The following TMEM123 variants were observed in gnomAD, a reference collection of about 807,000 sequenced individuals.
TMEM123 encodes porimin.
A neutral mutation model predicts 19.7 loss-of-function variants in TMEM123; 16 were observed. The observed-to-expected ratio is 0.81, with a 90% CI of 0.55 to 1.23. The LOEUF (loss-of-function observed/expected upper bound fraction) is 1.23, where lower values mean the gene tolerates loss of function less well. TMEM123 is among the 50% of genes most tolerant of loss of function. TMEM123 has a pLI of 0.00. For synonymous variants in TMEM123, 118 were observed against 99.4 expected, an observed-to-expected ratio of 1.19 and a Z score of -1.12; for missense variants, 313 against 257.8, an observed-to-expected ratio of 1.21 and a Z score of -1.47.
At chr11:102,407,752 T>C (rs1441168064) in intron 2 of TMEM123, among the ~76,000 whole-genome samples, 1 of 151,980 alleles carries the variant, frequency 6.6e-6, no homozygotes, top group Non-Finnish European at 1.5e-5. Flanking sequence ...AGGAGAGGCA[T>C]GGAACAGATT....
chr11:102,405,499 T>C (rs112296572), intron 2 of TMEM123, among the ~76,000 whole-genome samples: 2 of 152,234 alleles, frequency 1.3e-5, no homozygotes, highest in South Asian at 2.1e-4. Context: ...GAATGTTCTA[T>C]AGAGATATAA....
chr11:102,405,109 C>A (rs564237607), intron 2 of TMEM123, among the ~76,000 whole-genome samples: 1 of 150,754 alleles, frequency 6.6e-6, no homozygotes, highest in Non-Finnish European at 1.5e-5. Flanking sequence ...AGTGCAGTGG[C>A]GTGATCTCAG....
At position 102,417,871 on chromosome 11, in the gene TMEM123, T is replaced by TA. The variant is rs537663782; in HGVS notation, c.158-15666dup. ...CAGCCATCTGATCTTTGATAAAGTT[T>TA]AAAAAAAAAAAGTGCAATGGGGAAG... On this transcript the variant is annotated intron_variant, in intron 2 of 4. Coordinates refer to ENST00000398136, the MANE Select transcript of TMEM123 (RefSeq NM_052932.3). Among the ~76,000 whole-genome samples the TA allele has an allele frequency of 3.1e-3, 454 of 146,064 alleles. 3 individuals carry two copies. Among genetic ancestry groups the TA allele is most frequent in the African/African-American group, 0.01 (405 of 40,100 alleles).
chr11:102,408,642 T>C (rs1951976403), intron 2 of TMEM123, among the ~76,000 whole-genome samples: 2 of 152,214 alleles, frequency 1.3e-5, no homozygotes, highest in African/African-American at 2.4e-5. Flanking sequence ...TTTATAACCA[T>C]TAATTTCATT....
chr11:102,452,576 C>A lies in TMEM123; in HGVS notation c.48G>T (p.Thr16=). ...CCCCCAGCAGCGCTAGCACCTGCAGCGTCCCCAGGAGCAGCGCGGCCCAAG... is the reference window on the plus strand; with the variant it reads ...CCCCCAGCAGCGCTAGCACCTGCAGAGTCCCCAGGAGCAGCGCGGCCCAAG... ...RGAWAALLLG[T]LQVLALLGAA... The change falls in exon 1 of 5, where the codon ACG becomes ACT. Residue 16 remains threonine (T), a synonymous_variant. Transcript: ENST00000398136. The A allele has an allele frequency of 6.4e-7, 1 of 1,572,746 alleles. No individual in the cohort carries two copies.
chr11:102,442,673 A>G (rs1467412321), intron 2 of TMEM123, among the ~76,000 whole-genome samples: 1 of 152,210 alleles, frequency 6.6e-6, no homozygotes, highest in Admixed American at 6.5e-5. Flanking sequence ...CCCATTCAAC[A>G]CACTGTTGGA....
intron 2 of TMEM123, among the ~76,000 whole-genome samples, chr11:102,444,823 G>A (rs1014749489): frequency 3.3e-5 from 5 of 151,926 alleles, no homozygotes; most frequent in African/African-American, 9.7e-5. Flanking sequence ...TATACACCAT[G>A]GAATACTATG....
chr11:102,451,897 C>G (rs557539121), intron 1 of TMEM123, among the ~76,000 whole-genome samples: 3 of 152,328 alleles, frequency 2.0e-5, no homozygotes, highest in South Asian at 4.1e-4. Context: ...TTATGGCACA[C>G]GAGGGGTGGA....
chr11:102,451,043 T>C (rs1156331329), intron 1 of TMEM123, among the ~76,000 whole-genome samples: 1 of 152,200 alleles, frequency 6.6e-6, no homozygotes, highest in Non-Finnish European at 1.5e-5. Context: ...TATACTAGTT[T>C]ATGAATTCAG....
At chr11:102,418,770 C>A (rs990482376) in intron 2 of TMEM123, among the ~76,000 whole-genome samples, 1 of 152,044 alleles carries the variant, frequency 6.6e-6, no homozygotes, top group Non-Finnish European at 1.5e-5. Flanking sequence ...CCAACAGTGG[C>A]GGACTGGATA....
Position 102,422,154 on chromosome 11 carries a change from A to C in TMEM123, c.158-19948T>G, listed in dbSNP as rs578122595. 9.8e-5 allele frequency among the ~76,000 whole-genome samples: 15 copies of C among 152,346 alleles called. No homozygotes were observed. The East Asian group carries it at 2.9e-3, about 29-fold the overall frequency. On this transcript the variant is annotated intron_variant, in intron 2 of 4. Transcript: ENST00000398136. ...CATCATCAATCAATACAGTGTACAC[A>C]CTTCATCACTAATGTTGATGGTAAA...
intron 2 of TMEM123, among the ~76,000 whole-genome samples, chr11:102,409,575 A>C (rs1237410988): frequency 6.6e-6 from 1 of 152,136 alleles, no homozygotes; most frequent in African/African-American, 2.4e-5. Context: ...TCTTTTAAAA[A>C]ACCTAGACAG....
intron 2 of TMEM123, among the ~76,000 whole-genome samples, chr11:102,414,030 T>TAA (rs1952025525): frequency 1.3e-5 from 2 of 152,136 alleles, no homozygotes; most frequent in South Asian, 4.1e-4. Flanking sequence ...ACTGATTTGA[T>TAA]AGAGTTGAAA....
intron 2 of TMEM123, among the ~76,000 whole-genome samples, chr11:102,433,382 C>T (rs1267335461): frequency 6.6e-6 from 1 of 151,876 alleles, no homozygotes; most frequent in Non-Finnish European, 1.5e-5. Flanking sequence ...TTAATGACTG[C>T]CCTACTGGAT....
At chr11:102,448,262 G>C (rs1857904155) in intron 2 of TMEM123, 1 of 456,102 alleles carries the variant, frequency 2.2e-6, no homozygotes, top group Non-Finnish European at 4.4e-6. Flanking sequence ...TGATATTGAT[G>C]ACATCAGCCT....
intron 1 of TMEM123, 70 bp downstream of exon 1, chr11:102,452,454 C>G: frequency 7.6e-7 from 1 of 1,312,822 alleles, no homozygotes; most frequent in Non-Finnish European, 1.0e-6. Context: ...CAGAGCCCAA[C>G]TTGGGAACCC....
chr11:102,445,371 A>G (rs1857874201), intron 2 of TMEM123, among the ~76,000 whole-genome samples: 1 of 152,182 alleles, frequency 6.6e-6, no homozygotes, highest in Non-Finnish European at 1.5e-5. Flanking sequence ...ATCTATCAAC[A>G]TTTGCATCTA....
intron 2 of TMEM123, among the ~76,000 whole-genome samples, chr11:102,406,208 CT>C (rs1951954484): frequency 6.6e-6 from 1 of 152,208 alleles, no homozygotes; most frequent in African/African-American, 2.4e-5. Context: ...CTCCGATAAG[CT>C]AAGGTTGAAG....
chr11:102,400,549 T>G (rs1207431398), intron 4 of TMEM123, among the ~76,000 whole-genome samples: 1 of 152,230 alleles, frequency 6.6e-6, no homozygotes, highest in Non-Finnish European at 1.5e-5. Flanking sequence ...TTTATATACA[T>G]TAACACTAAA....
Sources: gnomAD v4.1 joint callset for allele counts (sites outside exome capture counted in the v4.1 genomes callset) on GRCh38, gnomAD v4.1.1 for gene constraint, MANE v1.5 for transcripts, NCBI Gene and HGNC (gene_info 2026-07-23, HGNC 2026-07-21) for gene names.